FBRSL1: variants seen among roughly 807,000 people sequenced by gnomAD.
The protein encoded by FBRSL1 is fibrosin like 1.
Under a neutral mutation model 89.6 loss-of-function variants are expected in FBRSL1, and 51 were observed. That is an observed-to-expected ratio of 0.57 (90% CI 0.45 to 0.72). FBRSL1 has a LOEUF of 0.72. Ranked by LOEUF, FBRSL1 falls within the 30% of genes least tolerant of loss-of-function variation. The pLI is 0.00. For missense variants in FBRSL1, 1,618 were observed against 1,451.8 expected, an observed-to-expected ratio of 1.11 and a Z score of -1.86; for synonymous variants, 779 against 681.1, an observed-to-expected ratio of 1.14 and a Z score of -2.24.
chr12:132,571,585 G>A, intron 9 of FBRSL1: 1 of 1,163,088 alleles, frequency 8.6e-7, no homozygotes, highest in Non-Finnish European at 1.1e-6. Context: ...ACACGCAGCA[G>A]GCACACACAG....
At chr12:132,573,023 C>T (rs1398842402) in intron 11 of FBRSL1, among the ~76,000 whole-genome samples, 3 of 152,160 alleles carry the variant, frequency 2.0e-5, no homozygotes, top group African/African-American at 7.2e-5. Flanking sequence ...CCGTCCACAC[C>T]GTGGGGGACC....
intron 2 of FBRSL1, chr12:132,511,843 A>AC: frequency 1.1e-5 from 6 of 547,066 alleles, no homozygotes; most frequent in African/African-American, 2.2e-5. Flanking sequence ...CTCCCCACCC[A>AC]CCCGGGCCCC....
rs1327573990 is a variant in FBRSL1, at chr12:132,582,229, G to A, written c.2164G>A (p.Asp722Asn). ...GCGGGTGTCAGCCCTGACCAACCAT[G>A]ACCGAGAGCCGGACAATGGCAAGGA... ...AERVSALTNH[D>N]REPDNGKEEQ... Residue 722 changes from aspartate (D) to asparagine (N), a missense_variant, in exon 18 of 19, where the codon GAC (aspartate) becomes AAC (asparagine). Asp to Asn is a conservative substitution (Grantham distance 23, BLOSUM62 1). Coordinates refer to ENST00000680143, the MANE Select transcript of FBRSL1 (RefSeq NM_001367871.1). The A allele has an allele frequency of 1.9e-5, 30 of 1,550,080 alleles. No homozygotes were observed. Among genetic ancestry groups the A allele is most frequent in the Non-Finnish European group, 2.6e-5 (30 of 1,146,868 alleles).
intron 4 of FBRSL1, among the ~76,000 whole-genome samples, chr12:132,536,029 T>C (rs2036698816): frequency 6.6e-6 from 1 of 151,920 alleles, no homozygotes; most frequent in South Asian, 2.1e-4. Flanking sequence ...TGGTGTGTTG[T>C]TTACATGTAC....
intron 5 of FBRSL1, chr12:132,551,061 G>T: frequency 3.3e-6 from 1 of 299,392 alleles, no homozygotes; most frequent in Non-Finnish European, 6.7e-6. Context: ...CTCTGTCCCT[G>T]GGCACTGCTG....
intron 5 of FBRSL1, among the ~76,000 whole-genome samples, chr12:132,549,655 C>T (rs887422996): frequency 1.4e-4 from 21 of 152,354 alleles, no homozygotes; most frequent in Admixed American, 4.6e-4. Context: ...CCTGCCTTAC[C>T]GAGATGAGGC....
intron 4 of FBRSL1, among the ~76,000 whole-genome samples, chr12:132,543,863 G>A (rs2037465772): frequency 6.6e-6 from 1 of 152,348 alleles, no homozygotes; most frequent in East Asian, 1.9e-4. Flanking sequence ...CCCAGCCCGG[G>A]ATGGAGGTGG....
intron 1 of FBRSL1, among the ~76,000 whole-genome samples, chr12:132,500,214 G>A (rs116355438): frequency 0.011 from 1,726 of 152,232 alleles, 29 homozygotes; most frequent in African/African-American, 0.038. Flanking sequence ...GTCTGTGGCC[G>A]CCACCTTCCC....
chr12:132,554,047 A>G (rs1364478527), intron 5 of FBRSL1: 1 of 152,254 alleles, frequency 6.6e-6, no homozygotes, highest in East Asian at 1.9e-4. Context: ...CCGTCACAGC[A>G]AAGGAAGATT....
At chr12:132,545,788 G>T (rs1263437875) in intron 4 of FBRSL1, among the ~76,000 whole-genome samples, 1 of 152,262 alleles carries the variant, frequency 6.6e-6, no homozygotes, top group Non-Finnish European at 1.5e-5. Context: ...CTGCTCTCGA[G>T]GCCTGATTGG....
At position 132,564,785 on chromosome 12, in the gene FBRSL1, A is replaced by G. The variant is rs11146934; in HGVS notation, c.646-2696A>G. The stretch of plus-strand genomic sequence containing the variant: ...GCTGGGACTACAGGCGCCCGCCACC[A>G]CGCCCGGCTAATTTTTTGTATTTTT... On this transcript the variant is annotated intron_variant, in intron 5 of 18. Coordinates refer to ENST00000680143, the MANE Select transcript of FBRSL1 (RefSeq NM_001367871.1). Among the ~76,000 whole-genome samples, 39 of 83,624 alleles carry G rather than the reference A, an allele frequency of 4.7e-4. 5 individuals are homozygous for G. Among genetic ancestry groups the G allele is most frequent in the African/African-American group, 2.0e-3 (23 of 11,528 alleles). 54.9% of individuals were successfully genotyped at this position (83,624 alleles called of 152,430 possible).
In FBRSL1 at chr12:132,562,487, G is replaced by A. The variant is rs950422408; in HGVS notation, c.646-4994G>A. On this transcript the variant is annotated intron_variant, in intron 5 of 18. Transcript: ENST00000680143. The stretch of plus-strand genomic sequence containing the variant: ...CAACCTCCTCAGAAGGATGTCCTAC[G>A]TCACTGCCTGGGGGTTGGTGGCTGG... Among the ~76,000 whole-genome samples, 4 of 152,166 alleles carry A rather than the reference G, an allele frequency of 2.6e-5. No individual in the cohort carries two copies. In the South Asian group the frequency reaches 6.2e-4, roughly 24 times the overall value.
chr12:132,555,379 C>T (rs1433517439), intron 5 of FBRSL1, among the ~76,000 whole-genome samples: 1 of 148,274 alleles, frequency 6.7e-6, no homozygotes, highest in Non-Finnish European at 1.5e-5. Context: ...CCCACCCGAG[C>T]GTGAGCGTGG....
chr12:132,544,625 A>T (rs1004799834), intron 4 of FBRSL1, among the ~76,000 whole-genome samples: 1 of 151,982 alleles, frequency 6.6e-6, no homozygotes, highest in African/African-American at 2.4e-5. Flanking sequence ...AACTGATGGT[A>T]GTGCTGTTGA....
intron 5 of FBRSL1, among the ~76,000 whole-genome samples, chr12:132,549,699 G>A (rs1349511437): frequency 3.3e-5 from 5 of 152,342 alleles, no homozygotes; most frequent in South Asian, 2.1e-4. Context: ...CCAGGTCCAC[G>A]TGGAGTCGGC....
At chr12:132,581,316 A>G in intron 15 of FBRSL1, 123 bp from the exon 16 acceptor site, 9 of 1,538,806 alleles carry the variant, frequency 5.8e-6, no homozygotes, top group Non-Finnish European at 7.9e-6. Flanking sequence ...CCCTCAGGGC[A>G]TGCGAGAGAA....
At chr12:132,515,169 A>G (rs2136715954) in intron 2 of FBRSL1, among the ~76,000 whole-genome samples, 1 of 152,246 alleles carries the variant, frequency 6.6e-6, no homozygotes, top group African/African-American at 2.4e-5. Context: ...CTCATGCATC[A>G]GGCCAGAGTG....
Position 132,583,811 on chromosome 12 carries a change from C to G in FBRSL1, c.*33C>G. ...GCCGCAGACGCCTCTCCGAGCGGAG[C>G]GCACCGCTGTCCGTCTCTCCATCAG... On this transcript the variant is annotated 3_prime_UTR_variant, in exon 19 of 19. Transcript: ENST00000680143. The G allele has an allele frequency of 8.7e-7, 1 of 1,150,356 alleles. No homozygotes were observed. Among genetic ancestry groups the G allele is most frequent in the Non-Finnish European group, 1.1e-6 (1 of 922,722 alleles). 71.3% of individuals were successfully genotyped at this position (1,150,356 alleles called of 1,614,324 possible).
At chr12:132,516,192 CT>C (rs1253503503) in intron 2 of FBRSL1, among the ~76,000 whole-genome samples, 14,371 of 140,168 alleles carry the variant, frequency 0.1, 630 homozygotes, top group South Asian at 0.14. Context: ...TCCGAATAGT[CT>C]TTTTTTTTTT....
Sources: allele counts gnomAD v4.1 joint callset (sites outside exome capture counted in the v4.1 genomes callset), GRCh38; gene constraint gnomAD v4.1.1; transcripts MANE v1.5; gene names NCBI Gene and HGNC (gene_info 2026-07-23, HGNC 2026-07-21).